Variants in CDYL2 observed in about 807,000 individuals in gnomAD.
CDYL2 encodes chromodomain Y like 2.
A neutral mutation model predicts 49.4 loss-of-function variants in CDYL2; 23 were observed. The ratio of observed to expected loss-of-function variants is 0.47; its 90% CI spans 0.34 to 0.66. The LOEUF (loss-of-function observed/expected upper bound fraction) is 0.66, where lower values mean the gene tolerates loss of function less well. Ranked by LOEUF, CDYL2 falls within the 30% of genes least tolerant of loss-of-function variation. CDYL2 has a pLI of 0.01. For synonymous variants in CDYL2, 360 were observed against 268.8 expected, an observed-to-expected ratio of 1.34 and a Z score of -3.32; for missense variants, 678 against 656.4, an observed-to-expected ratio of 1.03 and a Z score of -0.36.
intron 1 of CDYL2, among the ~76,000 whole-genome samples, chr16:80,777,839 T>A (rs1403601422): frequency 6.6e-6 from 1 of 152,170 alleles, no homozygotes; most frequent in South Asian, 2.1e-4. Context: ...ATTAATCTCA[T>A]GAAACCAGCA....
intron 2 of CDYL2, among the ~76,000 whole-genome samples, chr16:80,655,707 G>C (rs1431751276): frequency 6.6e-6 from 1 of 152,172 alleles, no homozygotes; most frequent in Non-Finnish European, 1.5e-5. Flanking sequence ...ACACCTCTGA[G>C]CCAAGCAGGG....
intron 1 of CDYL2, among the ~76,000 whole-genome samples, chr16:80,803,757 C>A (rs980487564): frequency 2.1e-5 from 3 of 143,022 alleles, no homozygotes; most frequent in Non-Finnish European, 4.6e-5. Flanking sequence ...ATTCCCAGCA[C>A]GTCCGGCGCC....
At chr16:80,781,170 G>T (rs970216001) in intron 1 of CDYL2, among the ~76,000 whole-genome samples, 1 of 152,142 alleles carries the variant, frequency 6.6e-6, no homozygotes, top group Non-Finnish European at 1.5e-5. Context: ...CATCACATCA[G>T]AAAACCAAAG....
intron 1 of CDYL2, among the ~76,000 whole-genome samples, chr16:80,793,475 C>T (rs774959517): frequency 1.8e-4 from 28 of 152,162 alleles, no homozygotes; most frequent in Non-Finnish European, 3.1e-4. Flanking sequence ...GGGACTAATG[C>T]CATACAGGAA....
At chr16:80,712,027 GTGTGTATATAT>G (rs1326741333) in intron 1 of CDYL2, among the ~76,000 whole-genome samples, 1 of 150,404 alleles carries the variant, frequency 6.6e-6, no homozygotes, top group Non-Finnish European at 1.5e-5. Context: ...GTATATATAT[GTGTGTATATAT>G]ATGTGTGTAT....
chr16:80,800,428 G>A (rs1278807934), intron 1 of CDYL2, among the ~76,000 whole-genome samples: 3 of 152,078 alleles, frequency 2.0e-5, no homozygotes, highest in African/African-American at 2.4e-5. Context: ...GCTCTTTAGC[G>A]GTCTGCCTCA....
At chr16:80,768,772 G>A (rs572157403) in intron 1 of CDYL2, among the ~76,000 whole-genome samples, 1 of 152,262 alleles carries the variant, frequency 6.6e-6, no homozygotes, top group East Asian at 1.9e-4. Context: ...TTCAGATCCT[G>A]CCTCCTCCAT....
At chr16:80,746,073 G>A (rs1905919112) in intron 1 of CDYL2, among the ~76,000 whole-genome samples, 1 of 152,164 alleles carries the variant, frequency 6.6e-6, no homozygotes, top group African/African-American at 2.4e-5. Context: ...GGATGGAAAG[G>A]AAGCAAACCT....
rs111369977 is a variant in CDYL2 at position 80,659,389 on chromosome 16, G to A, written c.616+25149C>T. On this transcript the variant is annotated intron_variant, in intron 2 of 6. Transcript: ENST00000570137. ...ATAAATATCTAAAAGACATTATTGC[G>A]GTAATAGCAAAAAAACTGAATGTGG... Among the ~76,000 whole-genome samples the A allele has an allele frequency of 2.3e-3, 356 of 152,022 alleles. 2 individuals are homozygous for A. Among genetic ancestry groups the A allele is most frequent in the African/African-American group, 8.1e-3 (338 of 41,474 alleles).
chr16:80,749,730 T>TA (rs1906063783), intron 1 of CDYL2, among the ~76,000 whole-genome samples: 2 of 151,902 alleles, frequency 1.3e-5, no homozygotes, highest in African/African-American at 4.9e-5. Flanking sequence ...GAAAATTTTT[T>TA]TAAAAAAATT....
At chr16:80,758,501 C>A (rs1190097562) in intron 1 of CDYL2, among the ~76,000 whole-genome samples, 1 of 149,022 alleles carries the variant, frequency 6.7e-6, no homozygotes, top group African/African-American at 2.5e-5. Context: ...ATATACCATA[C>A]AAGTGTGTAA....
At chr16:80,702,623 G>C (rs1904308375) in intron 1 of CDYL2, among the ~76,000 whole-genome samples, 1 of 152,158 alleles carries the variant, frequency 6.6e-6, no homozygotes, top group South Asian at 2.1e-4. Context: ...GGTGGCTCAT[G>C]TCTGTACTCC....
intron 1 of CDYL2, among the ~76,000 whole-genome samples, chr16:80,730,451 C>T (rs2142538153): frequency 6.6e-6 from 1 of 152,148 alleles, no homozygotes; most frequent in African/African-American, 2.4e-5. Context: ...GAAATTGTGG[C>T]AATAATCAAT....
intron 1 of CDYL2, among the ~76,000 whole-genome samples, chr16:80,689,362 A>G (rs968962287): frequency 6.6e-6 from 1 of 152,234 alleles, no homozygotes; most frequent in Non-Finnish European, 1.5e-5. Context: ...GTACATGCAT[A>G]GTTCCAGGAA....
At chr16:80,688,067 G>A (rs1910269476) in intron 1 of CDYL2, among the ~76,000 whole-genome samples, 1 of 152,176 alleles carries the variant, frequency 6.6e-6, no homozygotes, top group Non-Finnish European at 1.5e-5. Flanking sequence ...AAAAGCTGAA[G>A]GTTAGCAAGG....
At chr16:80,626,383 T>A (rs896845671) in intron 3 of CDYL2, among the ~76,000 whole-genome samples, 1 of 150,618 alleles carries the variant, frequency 6.6e-6, no homozygotes, top group Non-Finnish European at 1.5e-5. Context: ...AGGGCAGGGG[T>A]TGGTATGGCG....
intron 1 of CDYL2, among the ~76,000 whole-genome samples, chr16:80,748,506 TAAAAA>T (rs538432449): frequency 1.4e-3 from 26 of 19,126 alleles, no homozygotes; most frequent in African/African-American, 3.0e-3. Flanking sequence ...AAAACTCCAT[TAAAAA>T]AAAAAAAAAA....
chr16:80,677,588 A>C lies in CDYL2; in HGVS notation c.616+6950T>G, dbSNP rs549339536. On this transcript the variant is annotated intron_variant, in intron 2 of 6. Coordinates refer to ENST00000570137, the MANE Select transcript of CDYL2 (RefSeq NM_152342.4). ...CCGTCTCTAATAAAAATACAAAAAA[A>C]ATCAGCTGGGCATGGTGGCAGGCGC... Among the ~76,000 whole-genome samples the C allele has an allele frequency of 3.9e-5, 6 of 152,036 alleles. No homozygotes were observed. The East Asian group carries it at 9.7e-4, about 25-fold the overall frequency.
At chr16:80,664,303 T>A (rs942942239) in intron 2 of CDYL2, among the ~76,000 whole-genome samples, 2 of 152,180 alleles carry the variant, frequency 1.3e-5, no homozygotes, top group African/African-American at 4.8e-5. Flanking sequence ...GCCAGGAATG[T>A]CATTTCCGTC....
Sources: gnomAD v4.1 joint callset for allele counts (sites outside exome capture counted in the v4.1 genomes callset) on GRCh38, gnomAD v4.1.1 for gene constraint, MANE v1.5 for transcripts, NCBI Gene and HGNC (gene_info 2026-07-23, HGNC 2026-07-21) for gene names.